The following TNS3 variants were observed in gnomAD, a reference collection of about 807,000 sequenced individuals.
TNS3 encodes the protein tensin 3.
Under a neutral mutation model 140.9 loss-of-function variants are expected in TNS3, and 45 were observed. The ratio of observed to expected loss-of-function variants is 0.32; its 90% CI spans 0.25 to 0.41. The LOEUF is 0.41. TNS3 is among the 10% of genes least tolerant of loss of function. TNS3 has a pLI of 1.00. For missense variants in TNS3, 1,716 were observed against 1,906.7 expected (o/e 0.90, Z 1.86); for synonymous variants, 815 against 788.4 (o/e 1.03, Z -0.56).
intron 1 of TNS3, among the ~76,000 whole-genome samples, chr7:47,575,573 T>C (rs1800655089): frequency 6.6e-6 from 1 of 152,082 alleles, no homozygotes; most frequent in African/African-American, 2.4e-5. Context: ...CCCAGCACTT[T>C]GGGAGGCCGA....
At chr7:47,503,626 A>G (rs926530580) in intron 3 of TNS3, among the ~76,000 whole-genome samples, 1 of 152,210 alleles carries the variant, frequency 6.6e-6, no homozygotes, top group African/African-American at 2.4e-5. Context: ...CAGCTAAGAG[A>G]AAGTTATTTT....
intron 17 of TNS3, among the ~76,000 whole-genome samples, chr7:47,366,187 G>T (rs1790686918): frequency 1.3e-5 from 2 of 152,178 alleles, no homozygotes; most frequent in South Asian, 4.1e-4. Context: ...AGTAAACTCA[G>T]AATTTCCCAA....
Position 47,302,206 on chromosome 7 carries a change from G to A in TNS3, c.3524C>T (p.Ala1175Val), listed in dbSNP as rs375909974. ...CATACCTTGTTCTCTTGAAATATCC[G>A]CCTTGTACCAGAACTTGGAAGTGTC... ...VQDTSKFWYK[A>V]DISREQAIAM... is the part of the protein sequence containing the mutation. The change falls in exon 23 of 31, where the codon GCG becomes GTG. Residue 1175 changes from alanine to valine, a missense_variant. Transcript: ENST00000311160. 4.3e-6 allele frequency: 7 copies of A among 1,614,104 alleles called. No individual in the cohort carries two copies. Among genetic ancestry groups the A allele is most frequent in the East Asian group, 4.5e-5 (2 of 44,886 alleles).
At chr7:47,443,363 C>T (rs1300431234) in intron 4 of TNS3, among the ~76,000 whole-genome samples, 2 of 152,012 alleles carry the variant, frequency 1.3e-5, no homozygotes, top group East Asian at 1.9e-4. Context: ...CCAGACCCCG[C>T]CCACCCCTGA....
chr7:47,392,361 G>A (rs757590314), intron 16 of TNS3, among the ~76,000 whole-genome samples: 12 of 152,282 alleles, frequency 7.9e-5, no homozygotes, highest in African/African-American at 2.6e-4. Flanking sequence ...CAAAGCCAGC[G>A]CTCCCCTAAC....
At chr7:47,535,597 T>G (rs1371705246) in intron 1 of TNS3, among the ~76,000 whole-genome samples, 2 of 152,228 alleles carry the variant, frequency 1.3e-5, no homozygotes, top group Non-Finnish European at 2.9e-5. Context: ...GGAATCTAAA[T>G]TGCACTTAAT....
chr7:47,345,058 T>C lies in TNS3; in HGVS notation c.2452-20A>G. ...CATCGTCTGAAATTGGCACAGGGAG[T>C]AGAATGTGAGAACAGGGAGTCAAGT... On this transcript the variant is annotated intron_variant, in intron 18 of 30. Coordinates refer to ENST00000311160, the MANE Select transcript of TNS3 (RefSeq NM_022748.12). The C allele has an allele frequency of 1.9e-6, 3 of 1,598,610 alleles. No individual in the cohort carries two copies. The highest frequency in any genetic ancestry group is 2.6e-6 in the Non-Finnish European group (3 of 1,168,314).
chr7:47,361,146 A>G (rs1272316820), intron 17 of TNS3, among the ~76,000 whole-genome samples: 1 of 142,010 alleles, frequency 7.0e-6, no homozygotes, highest in African/African-American at 2.6e-5. Context: ...ACCCTAATAG[A>G]GCTCCCAGGC....
At chr7:47,347,327 A>G (rs542686808) in intron 17 of TNS3, among the ~76,000 whole-genome samples, 4 of 152,242 alleles carry the variant, frequency 2.6e-5, no homozygotes, top group African/African-American at 7.2e-5. Context: ...CATGATAGTG[A>G]CATACAGTCG....
chr7:47,400,320 G>T, intron 15 of TNS3, 73 bp downstream of exon 15: 2 of 1,238,338 alleles, frequency 1.6e-6, no homozygotes, highest in Non-Finnish European at 2.4e-6. Context: ...TAGTACTACA[G>T]CCCCAGCGTA....
At chr7:47,454,390 A>T (rs1024844596) in intron 4 of TNS3, among the ~76,000 whole-genome samples, 4 of 152,144 alleles carry the variant, frequency 2.6e-5, no homozygotes, top group African/African-American at 9.7e-5. Flanking sequence ...ACAGGACTTT[A>T]ACTCCTCCGA....
At chr7:47,575,862 CATT>C (rs569064868) in intron 1 of TNS3, among the ~76,000 whole-genome samples, 124 of 145,714 alleles carry the variant, frequency 8.5e-4, no homozygotes, top group Middle Eastern at 7.2e-3. Flanking sequence ...AAAATATGCT[CATT>C]ACTTGAGAGT....
intron 13 of TNS3, among the ~76,000 whole-genome samples, chr7:47,411,520 C>T (rs534939257): frequency 1.3e-5 from 2 of 152,318 alleles, no homozygotes; most frequent in South Asian, 2.1e-4. Context: ...CTCGCTGGCC[C>T]GGTTCCTAAC....
At chr7:47,333,047 G>A (rs1788430138) in intron 20 of TNS3, among the ~76,000 whole-genome samples, 1 of 152,128 alleles carries the variant, frequency 6.6e-6, no homozygotes, top group Admixed American at 6.5e-5. Context: ...AGGCTGACAT[G>A]GGGACACTTC....
intron 10 of TNS3, among the ~76,000 whole-genome samples, chr7:47,421,434 A>ATT (rs1316447039): frequency 7.8e-5 from 11 of 140,536 alleles, no homozygotes; most frequent in African/African-American, 1.3e-4. Flanking sequence ...CATCCAGCTA[A>ATT]TTTTTTTTTT....
chr7:47,329,603 T>G (rs1788219954), intron 20 of TNS3, among the ~76,000 whole-genome samples: 1 of 152,152 alleles, frequency 6.6e-6, no homozygotes, highest in Non-Finnish European at 1.5e-5. Flanking sequence ...ATTTCCTCCC[T>G]GGTTGTTTAT....
At chr7:47,518,102 G>A (rs1163989315) in intron 2 of TNS3, among the ~76,000 whole-genome samples, 3 of 152,200 alleles carry the variant, frequency 2.0e-5, no homozygotes, top group African/African-American at 7.2e-5. Context: ...GGGTTGCAGA[G>A]AGCCCAAGGC....
chr7:47,508,281 T>C (rs1798490495), intron 2 of TNS3, among the ~76,000 whole-genome samples: 1 of 152,256 alleles, frequency 6.6e-6, no homozygotes, highest in African/African-American at 2.4e-5. Flanking sequence ...GTATGATCTA[T>C]ATTTTTGAAT....
At chr7:47,370,091 T>C (rs1470868431) in intron 16 of TNS3, among the ~76,000 whole-genome samples, 1 of 152,146 alleles carries the variant, frequency 6.6e-6, no homozygotes, top group Non-Finnish European at 1.5e-5. Context: ...AAATTGAATG[T>C]CTTGGTGAAA....
Sources: gnomAD v4.1 joint callset for allele counts (sites outside exome capture counted in the v4.1 genomes callset) on GRCh38, gnomAD v4.1.1 for gene constraint, MANE v1.5 for transcripts, NCBI Gene and HGNC (gene_info 2026-07-23, HGNC 2026-07-21) for gene names.